GLRB: variants seen among roughly 807,000 people sequenced by gnomAD.
GLRB encodes glycine receptor subunit beta.
In GLRB, 33 loss-of-function variants were observed where a neutral mutation model predicts 54.2. The observed-to-expected ratio is 0.61, with a 90% CI of 0.46 to 0.81. GLRB has a LOEUF of 0.81. GLRB is among the 40% of genes least tolerant of loss of function. The pLI, the probability that GLRB is intolerant of heterozygous loss-of-function variation, is 0.00. For synonymous variants in GLRB, 209 were observed against 208.2 expected (o/e 1.00, Z -0.03); for missense variants, 572 against 584.6 (o/e 0.98, Z 0.22).
rs565524086 is a variant in GLRB, at chr4:157,107,746, C to T, written c.123-12810C>T. ...ACAGCAAGTTATCCAGAAGATCTAG[C>T]TAAGATCTTTGATGAAGGTGAATAT... On this transcript the variant is annotated intron_variant, in intron 2 of 9. Transcript: ENST00000264428. 1.6e-3 allele frequency among the ~76,000 whole-genome samples: 239 copies of T among 152,176 alleles called. 1 individual carries two copies. Among genetic ancestry groups the T allele is most frequent in the African/African-American group, 5.5e-3 (228 of 41,534 alleles).
intron 2 of GLRB, among the ~76,000 whole-genome samples, chr4:157,118,019 G>T (rs991019522): frequency 6.6e-6 from 1 of 151,670 alleles, no homozygotes; most frequent in Non-Finnish European, 1.5e-5. Flanking sequence ...ATAAAGAATG[G>T]AAGTTACAAT....
At chr4:157,150,366 A>G (rs544206033) in intron 8 of GLRB, among the ~76,000 whole-genome samples, 2 of 152,198 alleles carry the variant, frequency 1.3e-5, no homozygotes, top group Admixed American at 6.5e-5. Context: ...CTGATATGAT[A>G]AAAGTCTTGA....
intron 2 of GLRB, among the ~76,000 whole-genome samples, chr4:157,105,885 A>G (rs1447393303): frequency 6.6e-6 from 1 of 151,986 alleles, no homozygotes; most frequent in Non-Finnish European, 1.5e-5. Context: ...CTTTCAGCCT[A>G]TGTGTATCCT....
intron 9 of GLRB, among the ~76,000 whole-genome samples, chr4:157,163,069 G>A (rs973335560): frequency 4.6e-5 from 7 of 152,122 alleles, no homozygotes; most frequent in African/African-American, 1.2e-4. Context: ...CTTCCACCTC[G>A]CAGTTCGATC....
rs907860344 is a variant in GLRB at position 157,165,519 on chromosome 4, T to C, written c.1198-4913T>C. Among the ~76,000 whole-genome samples the C allele has an allele frequency of 5.3e-5, 8 of 152,124 alleles. No individual in the cohort carries two copies. The East Asian group carries it at 1.3e-3, about 26-fold the overall frequency. ...TTGTGCTTCCTAAGGAAATGAATGATTTAAAAAGTAGAAAAAAATTAAATG... is the reference window on the plus strand; with the variant it reads ...TTGTGCTTCCTAAGGAAATGAATGACTTAAAAAGTAGAAAAAAATTAAATG... On this transcript the variant is annotated intron_variant, in intron 9 of 9. Coordinates refer to ENST00000264428, the MANE Select transcript of GLRB (RefSeq NM_000824.5).
rs183528739 is a variant in GLRB, at chr4:157,081,059, T to C, written c.122+2913T>C. Among the ~76,000 whole-genome samples, 1,048 of 152,332 alleles carry C rather than the reference T, an allele frequency of 6.9e-3. 7 individuals carry two copies. Among genetic ancestry groups the C allele is most frequent in the Non-Finnish European group, 0.01 (701 of 68,028 alleles). Reference sequence around the variant, plus strand: ...TTTGCTGTTTCTTTTTTCTAACCTGTTGTCTTTTGATATGTAAGTGAAGCA... The same window carrying C: ...TTTGCTGTTTCTTTTTTCTAACCTGCTGTCTTTTGATATGTAAGTGAAGCA... On this transcript the variant is annotated intron_variant, in intron 2 of 9. Coordinates refer to ENST00000264428, the MANE Select transcript of GLRB (RefSeq NM_000824.5).
chr4:157,167,065 C>CA (rs939666360), intron 9 of GLRB, among the ~76,000 whole-genome samples: 3 of 152,068 alleles, frequency 2.0e-5, no homozygotes, highest in African/African-American at 7.2e-5. Flanking sequence ...TGCATTTCTA[C>CA]AGTATATTCT....
At chr4:157,086,658 T>G (rs1478280574) in intron 2 of GLRB, among the ~76,000 whole-genome samples, 2 of 152,170 alleles carry the variant, frequency 1.3e-5, no homozygotes, top group Non-Finnish European at 2.9e-5. Context: ...GACTCCAAGT[T>G]ATCGAATTAA....
intron 9 of GLRB, among the ~76,000 whole-genome samples, chr4:157,154,105 T>C (rs2126605335): frequency 6.6e-6 from 1 of 152,332 alleles, no homozygotes; most frequent in Non-Finnish European, 1.5e-5. Flanking sequence ...GCCTTAGAAC[T>C]CTTTTCTGCC....
Position 157,111,560 on chromosome 4 carries a change from G to C in GLRB, c.123-8996G>C, listed in dbSNP as rs565940568. 8.1e-4 allele frequency among the ~76,000 whole-genome samples: 123 copies of C among 152,008 alleles called. 1 individual carries two copies. Among genetic ancestry groups the C allele is most frequent in the African/African-American group, 2.8e-3 (116 of 41,496 alleles). ...GCTGGAGGGTGTCTTATTTTCCTAC[G>C]AGTTCAGTGTGGCTGATTTCATACT... On this transcript the variant is annotated intron_variant, in intron 2 of 9. Transcript: ENST00000264428.
chr4:157,128,903 A>G (rs887467693), intron 4 of GLRB, among the ~76,000 whole-genome samples: 2 of 151,948 alleles, frequency 1.3e-5, no homozygotes, highest in South Asian at 4.1e-4. Flanking sequence ...ATGCTGCCAG[A>G]TGCTATAAGA....
chr4:157,153,281 C>G (rs1168076559), intron 9 of GLRB, among the ~76,000 whole-genome samples: 1 of 152,164 alleles, frequency 6.6e-6, no homozygotes, highest in African/African-American at 2.4e-5. Context: ...GGATTCAACT[C>G]TGCTTTGATG....
intron 2 of GLRB, among the ~76,000 whole-genome samples, chr4:157,120,257 T>A (rs181433706): frequency 0.14 from 18,379 of 133,156 alleles, 1,539 homozygotes; most frequent in African/African-American, 0.2. Flanking sequence ...GGGGGTGGGA[T>A]AGCTTTAGGA....
chr4:157,090,009 C>T (rs1008004928), intron 2 of GLRB, among the ~76,000 whole-genome samples: 3 of 152,134 alleles, frequency 2.0e-5, no homozygotes, highest in Non-Finnish European at 2.9e-5. Context: ...CTCATCTCTG[C>T]TTTTATGGTC....
At chr4:157,078,176 T>C (rs1204008308) in intron 2 of GLRB, 30 bp downstream of exon 2, 7 of 1,609,856 alleles carry the variant, frequency 4.3e-6, no homozygotes, top group African/African-American at 1.3e-5. Flanking sequence ...TATTCTTATA[T>C]GGAGAAATGT....
At chr4:157,102,864 T>C (rs1735083371) in intron 2 of GLRB, among the ~76,000 whole-genome samples, 1 of 152,152 alleles carries the variant, frequency 6.6e-6, no homozygotes, top group African/African-American at 2.4e-5. Context: ...TTAGGTTCTC[T>C]ATGTCAAAAG....
intron 2 of GLRB, among the ~76,000 whole-genome samples, chr4:157,096,477 A>G (rs902884885): frequency 3.9e-5 from 6 of 152,320 alleles, no homozygotes; most frequent in Admixed American, 6.5e-5. Flanking sequence ...TGCAGATTCT[A>G]GCTTATTCAA....
intron 2 of GLRB, among the ~76,000 whole-genome samples, chr4:157,089,408 G>T (rs944970030): frequency 6.6e-6 from 1 of 152,028 alleles, no homozygotes; most frequent in Non-Finnish European, 1.5e-5. Flanking sequence ...CTGTTTCAAA[G>T]AAATAAGTAA....
intron 9 of GLRB, among the ~76,000 whole-genome samples, chr4:157,159,405 G>A (rs900119114): frequency 3.9e-5 from 6 of 152,080 alleles, no homozygotes; most frequent in African/African-American, 1.4e-4. Context: ...TCCCTGTCTT[G>A]TGCCAGTTTT....
Sources: allele counts gnomAD v4.1 joint callset (sites outside exome capture counted in the v4.1 genomes callset), GRCh38; gene constraint gnomAD v4.1.1; transcripts MANE v1.5; gene names NCBI Gene and HGNC (gene_info 2026-07-23, HGNC 2026-07-21).